Variants in GAB3 observed in about 807,000 individuals in gnomAD.
GAB3 encodes the protein GRB2 associated binding protein 3.
In GAB3, 12 loss-of-function variants were observed where a neutral mutation model predicts 40.4. That is an observed-to-expected ratio of 0.30 (90% CI 0.19 to 0.48). The LOEUF is 0.48. Ranked by LOEUF, GAB3 falls within the 20% of genes least tolerant of loss-of-function variation. The pLI, the probability that GAB3 is intolerant of heterozygous loss-of-function variation, is 0.99. For missense variants in GAB3, 381 were observed against 461.9 expected (o/e 0.82, Z 1.61); for synonymous variants, 154 against 176.7 (o/e 0.87, Z 1.02).
rs782181170 is a variant in GAB3 at position 154,680,259 on chromosome X, A to G, written c.1531-11T>C. 2 of 1,134,646 alleles carry G rather than the reference A, an allele frequency of 1.8e-6. No homozygotes were observed. The highest frequency in any genetic ancestry group is 2.2e-5 in the Admixed American group (1 of 44,996). The allele number at this position is 1,134,646 out of a possible 1,213,427, so 93.5% of individuals were successfully genotyped here. A position where few individuals can be genotyped will look rare whatever the true frequency, so the allele number is the denominator to read the frequency against. On this transcript the variant is annotated splice_polypyrimidine_tract_variant and intron_variant, in intron 8 of 9. Coordinates refer to ENST00000424127, the MANE Select transcript of GAB3 (RefSeq NM_001081573.3). ...TGTTCGGTGCTCCTCCTAGGAACCA[A>G]CATCACAGGAGTCAGGTTAATGATG...
chrX:154,724,293 G>A (rs2071179744), intron 1 of GAB3, among the ~76,000 whole-genome samples: 1 of 109,893 alleles, frequency 9.1e-6, no homozygotes, highest in Non-Finnish European at 1.9e-5. Flanking sequence ...GCAGTTAGCC[G>A]AGATTGGGCC....
intron 1 of GAB3, among the ~76,000 whole-genome samples, chrX:154,719,113 G>A (rs1191757589): frequency 4.5e-5 from 5 of 111,613 alleles, no homozygotes; most frequent in East Asian, 2.8e-4. Context: ...CGTAGTGAGC[G>A]GTCTAGCAGA....
intron 4 of GAB3, among the ~76,000 whole-genome samples, chrX:154,705,963 GA>G: frequency 9.0e-6 from 1 of 111,613 alleles, no homozygotes. Flanking sequence ...AGCTGAAAAA[GA>G]AAGGAAGAAA....
intron 1 of GAB3, among the ~76,000 whole-genome samples, chrX:154,730,921 T>C (rs782164087): frequency 1.8e-5 from 2 of 112,523 alleles, no homozygotes; most frequent in African/African-American, 3.2e-5. Context: ...TCTGCTTCTA[T>C]AGCTTGTCAA....
At chrX:154,724,301 G>A (rs1302854842) in intron 1 of GAB3, among the ~76,000 whole-genome samples, 1 of 109,479 alleles carries the variant, frequency 9.1e-6, no homozygotes, top group Admixed American at 9.8e-5. Flanking sequence ...CCGAGATTGG[G>A]CCACTGCACT....
intron 1 of GAB3, among the ~76,000 whole-genome samples, chrX:154,742,961 T>C (rs1220114079): frequency 9.8e-6 from 1 of 102,264 alleles, no homozygotes; most frequent in African/African-American, 3.6e-5. Flanking sequence ...ACACTTATGA[T>C]GGGTGAATTC....
At chrX:154,728,983 G>A (rs896759435) in intron 1 of GAB3, among the ~76,000 whole-genome samples, 1 of 111,608 alleles carries the variant, frequency 9.0e-6, no homozygotes, top group Admixed American at 9.5e-5. Flanking sequence ...GCACACACAT[G>A]CACGTGTAAG....
chrX:154,711,231 G>C (rs1557255856), intron 4 of GAB3, among the ~76,000 whole-genome samples: 2 of 111,867 alleles, frequency 1.8e-5, no homozygotes, highest in African/African-American at 6.5e-5. Context: ...TCAATGGAGA[G>C]AGAAAGAAAG....
intron 4 of GAB3, among the ~76,000 whole-genome samples, chrX:154,706,758 A>G (rs781960636): frequency 9.2e-6 from 1 of 108,604 alleles, no homozygotes; most frequent in African/African-American, 3.4e-5. Context: ...AAAAAAAAAA[A>G]TTTTTTTTCA....
At chrX:154,716,951 T>C (rs2071055544) in intron 1 of GAB3, among the ~76,000 whole-genome samples, 1 of 112,069 alleles carries the variant, frequency 8.9e-6, no homozygotes, top group Admixed American at 9.4e-5. Context: ...ACACTTCCTA[T>C]GTAAGAGACC....
intron 1 of GAB3, among the ~76,000 whole-genome samples, chrX:154,733,927 T>C (rs1557260235): frequency 8.9e-6 from 1 of 112,440 alleles, no homozygotes; most frequent in Non-Finnish European, 1.9e-5. Context: ...ATCTCTTATA[T>C]TTACTTACAA....
At chrX:154,721,434 G>A (rs1328080936) in intron 1 of GAB3, among the ~76,000 whole-genome samples, 2 of 112,138 alleles carry the variant, frequency 1.8e-5, no homozygotes, top group Non-Finnish European at 3.8e-5. Context: ...GCAAGCGAGT[G>A]CACGCAAGAG....
chrX:154,733,713 C>T (rs377189033), intron 1 of GAB3, among the ~76,000 whole-genome samples: 1 of 112,162 alleles, frequency 8.9e-6, no homozygotes, highest in South Asian at 3.6e-4. Context: ...TATATTATTT[C>T]GTTTTCTTTA....
Position 154,680,216 on chromosome X carries a change from A to G in GAB3, c.1563T>C (p.Ser521=). Residue 521 remains serine, a synonymous_variant, in exon 9 of 10, where the codon AGT becomes AGC. Coordinates refer to ENST00000424127, the MANE Select transcript of GAB3 (RefSeq NM_001081573.3). Reference sequence around the variant, plus strand: ...ATTTCTTTGTCCACGTAAGGGCACCACTGCTCAGGGAACTGGCTGTTCGGT... The same window carrying G: ...ATTTCTTTGTCCACGTAAGGGCACCGCTGCTCAGGGAACTGGCTGTTCGGT... The part of the protein sequence containing the change: ...EEHRTASSLS[S]GALTWTKKFS... 1 of 1,208,587 alleles carries G rather than the reference A, an allele frequency of 8.3e-7. No individual in the cohort carries two copies. The highest frequency in any genetic ancestry group is 1.1e-6 in the Non-Finnish European group (1 of 893,232).
Position 154,700,040 on chromosome X carries a change from G to A in GAB3, c.1089C>T (p.Ser363=). ...TAAGCCGCTTGTCTCGGTGTCTTAA[G>A]GATTGGCCTTCTACATCAGCTGCAA... ...RTWKADVEGQ[S]LRHRDKRLSL... The change falls in exon 5 of 10, where the codon TCC becomes TCT. Residue 363 remains serine (S), a synonymous_variant. Transcript: ENST00000424127. The A allele has an allele frequency of 8.3e-7, 1 of 1,209,024 alleles. No individual in the cohort carries two copies. Among genetic ancestry groups the A allele is most frequent in the Non-Finnish European group, 1.1e-6 (1 of 893,740 alleles).
chrX:154,750,608 C>G (rs2071598624), intron 1 of GAB3, among the ~76,000 whole-genome samples: 2 of 112,317 alleles, frequency 1.8e-5, no homozygotes, highest in Admixed American at 1.9e-4. Flanking sequence ...CACCCCCAGC[C>G]AAAGAAAGGG....
intron 8 of GAB3, among the ~76,000 whole-genome samples, chrX:154,681,034 CT>C (rs2070366219): frequency 8.9e-6 from 1 of 112,095 alleles, no homozygotes; most frequent in African/African-American, 3.2e-5. Context: ...ATTTGAGTTG[CT>C]CCCAGTTTGG....
At chrX:154,684,423 T>G (rs781919247) in intron 8 of GAB3, among the ~76,000 whole-genome samples, 29 of 111,801 alleles carry the variant, frequency 2.6e-4, no homozygotes, top group Non-Finnish European at 5.3e-4. Context: ...TGATTTTTTT[T>G]TAATCCAGAG....
intron 1 of GAB3, among the ~76,000 whole-genome samples, chrX:154,732,883 G>T (rs782600630): frequency 9.0e-6 from 1 of 111,592 alleles, no homozygotes; most frequent in Admixed American, 9.5e-5. Context: ...CTCCATCAGA[G>T]ACCACAGGGC....
Sources: gnomAD v4.1 joint callset for allele counts (sites outside exome capture counted in the v4.1 genomes callset) on GRCh38, gnomAD v4.1.1 for gene constraint, MANE v1.5 for transcripts, NCBI Gene and HGNC (gene_info 2026-07-23, HGNC 2026-07-21) for gene names.